The following CEP112 variants were observed in gnomAD, a reference collection of about 807,000 sequenced individuals.
CEP112 encodes centrosomal protein of 112 kDa.
In CEP112, 127 loss-of-function variants were observed where a neutral mutation model predicts 153.0. The ratio of observed to expected loss-of-function variants is 0.83; its 90% CI spans 0.72 to 0.96. The LOEUF (loss-of-function observed/expected upper bound fraction) is 0.96, where lower values mean the gene tolerates loss of function less well. CEP112 is among the 40% of genes least tolerant of loss of function. The pLI, the probability that CEP112 is intolerant of heterozygous loss-of-function variation, is 0.00. For synonymous variants in CEP112, 358 were observed against 374.4 expected (o/e 0.96, Z 0.51); for missense variants, 1,089 against 1,101.2 (o/e 0.99, Z 0.16).
intron 4 of CEP112, among the ~76,000 whole-genome samples, chr17:66,135,526 C>T (rs1292471372): frequency 6.6e-6 from 1 of 152,116 alleles, no homozygotes; most frequent in African/African-American, 2.4e-5. Context: ...TACAGGGGAC[C>T]TGATCACAGT....
intron 12 of CEP112, among the ~76,000 whole-genome samples, chr17:66,039,662 C>T (rs2065889856): frequency 6.6e-6 from 1 of 152,060 alleles, no homozygotes; most frequent in African/African-American, 2.4e-5. Context: ...AAAATAAATT[C>T]TGATAACTTT....
chr17:66,170,511 TC>T (rs1183107344), intron 4 of CEP112, among the ~76,000 whole-genome samples: 5 of 152,150 alleles, frequency 3.3e-5, no homozygotes, highest in Admixed American at 6.5e-5. Flanking sequence ...ATGCCTGTAA[TC>T]CCAGCACTTT....
intron 24 of CEP112, among the ~76,000 whole-genome samples, chr17:65,662,658 C>T (rs538068922): frequency 2.6e-5 from 4 of 152,060 alleles, no homozygotes; most frequent in Non-Finnish European, 2.9e-5. Flanking sequence ...GGCTGAGGGC[C>T]GCAGTATCCT....
At chr17:65,844,909 G>A (rs1426787651) in intron 21 of CEP112, among the ~76,000 whole-genome samples, 1 of 151,694 alleles carries the variant, frequency 6.6e-6, no homozygotes, top group Non-Finnish European at 1.5e-5. Context: ...AGCTACTAGG[G>A]AGGCTGAGGA....
At chr17:66,006,096 G>A (rs1171391417) in intron 16 of CEP112, among the ~76,000 whole-genome samples, 1 of 151,988 alleles carries the variant, frequency 6.6e-6, no homozygotes, top group Non-Finnish European at 1.5e-5. Context: ...CAAGATTCAA[G>A]AGAATACAAT....
intron 6 of CEP112, among the ~76,000 whole-genome samples, chr17:66,112,450 AAAGT>A (rs2069099484): frequency 6.6e-6 from 1 of 152,190 alleles, no homozygotes; most frequent in Non-Finnish European, 1.5e-5. Context: ...TAAAAAATAT[AAAGT>A]AATATCACAA....
chr17:66,008,010 C>G (rs1156975164), intron 16 of CEP112, among the ~76,000 whole-genome samples: 1 of 152,090 alleles, frequency 6.6e-6, no homozygotes, highest in Non-Finnish European at 1.5e-5. Flanking sequence ...CTCAACTCCT[C>G]CATGTTCTGA....
intron 16 of CEP112, among the ~76,000 whole-genome samples, chr17:66,011,673 G>A (rs1236083138): frequency 6.6e-6 from 1 of 152,134 alleles, no homozygotes; most frequent in Non-Finnish European, 1.5e-5. Flanking sequence ...ATGTGCAGAT[G>A]AGAAGAATAT....
At position 65,920,690 on chromosome 17, in the gene CEP112, G is replaced by A. The variant is rs190225427; in HGVS notation, c.1980+6892C>T. Among the ~76,000 whole-genome samples the A allele has an allele frequency of 2.6e-3, 400 of 151,826 alleles. 5 individuals are homozygous for A. Among genetic ancestry groups the A allele is most frequent in the African/African-American group, 8.9e-3 (370 of 41,376 alleles). On this transcript the variant is annotated intron_variant, in intron 19 of 26. Coordinates refer to ENST00000535342, the MANE Select transcript of CEP112 (RefSeq NM_001199165.4). Reference sequence around the variant, plus strand: ...ACTCTGAAAACTCTTCTCTGAACATGTTCGAGTTTGTCAGTGGCCTGCTTA... The same window carrying A: ...ACTCTGAAAACTCTTCTCTGAACATATTCGAGTTTGTCAGTGGCCTGCTTA...
At chr17:65,786,839 G>T (rs773383502) in intron 21 of CEP112, among the ~76,000 whole-genome samples, 1 of 152,006 alleles carries the variant, frequency 6.6e-6, no homozygotes, top group Non-Finnish European at 1.5e-5. Context: ...GCCTGCCTTC[G>T]TCTCCCTAAG....
chr17:65,970,256 GCA>G (rs1465154369), intron 17 of CEP112, among the ~76,000 whole-genome samples: 5 of 151,812 alleles, frequency 3.3e-5, no homozygotes, highest in East Asian at 2.0e-4. Flanking sequence ...CATGCATGTT[GCA>G]CACATATTAC....
chr17:65,742,967 G>T, intron 23 of CEP112, 101 bp downstream of exon 23: 3 of 902,078 alleles, frequency 3.3e-6, no homozygotes, highest in Non-Finnish European at 4.9e-6. Flanking sequence ...GTGTGAACAA[G>T]CCAGATACCC....
chr17:65,990,877 G>A (rs1283266043), intron 17 of CEP112, among the ~76,000 whole-genome samples: 3 of 152,240 alleles, frequency 2.0e-5, no homozygotes, highest in Non-Finnish European at 2.9e-5. Context: ...AAATCTGTGT[G>A]CTTGGGAGAG....
At chr17:65,982,523 T>C (rs1291913625) in intron 17 of CEP112, among the ~76,000 whole-genome samples, 3 of 152,198 alleles carry the variant, frequency 2.0e-5, no homozygotes, top group Non-Finnish European at 4.4e-5. Context: ...AAAAACATAT[T>C]TTTATCAAGT....
Position 66,175,027 on chromosome 17 carries a change from C to A in CEP112, c.470+17G>T. 2 of 1,497,054 alleles carry A rather than the reference C, an allele frequency of 1.3e-6. No individual in the cohort carries two copies. The highest frequency in any genetic ancestry group is 1.8e-6 in the Non-Finnish European group (2 of 1,115,624). 92.7% of individuals were successfully genotyped at this position (1,497,054 alleles called of 1,614,324 possible). A position where few individuals can be genotyped will look rare whatever the true frequency, so the allele number is the denominator to read the frequency against. Reference sequence around the variant, plus strand: ...TAAATGATGAAACACATTCAAAATCCCATTCTCTTTACATACCTGTAGACA... The same window carrying A: ...TAAATGATGAAACACATTCAAAATCACATTCTCTTTACATACCTGTAGACA... On this transcript the variant is annotated intron_variant, in intron 4 of 26. Coordinates refer to ENST00000535342, the MANE Select transcript of CEP112 (RefSeq NM_001199165.4).
chr17:66,104,565 G>C (rs1950992307), intron 6 of CEP112, among the ~76,000 whole-genome samples: 1 of 152,130 alleles, frequency 6.6e-6, no homozygotes, highest in Non-Finnish European at 1.5e-5. Context: ...TGGTGTCTAG[G>C]GGAAGAAATC....
intron 22 of CEP112, among the ~76,000 whole-genome samples, chr17:65,744,187 C>A (rs983663612): frequency 6.6e-6 from 1 of 152,162 alleles, no homozygotes; most frequent in Non-Finnish European, 1.5e-5. Flanking sequence ...CCAATCACTG[C>A]ACTAATTGGG....
intron 16 of CEP112, among the ~76,000 whole-genome samples, chr17:66,009,768 G>T (rs917221981): frequency 6.6e-6 from 1 of 152,180 alleles, no homozygotes; most frequent in Non-Finnish European, 1.5e-5. Context: ...AGATCACACA[G>T]TTGAAGGTAC....
At chr17:65,746,837 A>T (rs1402529192) in intron 22 of CEP112, among the ~76,000 whole-genome samples, 1 of 152,296 alleles carries the variant, frequency 6.6e-6, no homozygotes, top group African/African-American at 2.4e-5. Flanking sequence ...ATAATTAAAA[A>T]CCATAGAACA....
Sources: gnomAD v4.1 joint callset for allele counts (sites outside exome capture counted in the v4.1 genomes callset) on GRCh38, gnomAD v4.1.1 for gene constraint, MANE v1.5 for transcripts, NCBI Gene and HGNC (gene_info 2026-07-23, HGNC 2026-07-21) for gene names.